The following NCAPG2 variants were observed in gnomAD, a reference collection of about 807,000 sequenced individuals.
The protein encoded by NCAPG2 is non-SMC condensin II complex subunit G2.
Under a neutral mutation model 141.1 loss-of-function variants are expected in NCAPG2, and 53 were observed. The observed-to-expected ratio is 0.38, with a 90% CI of 0.30 to 0.47. NCAPG2 has a LOEUF of 0.47. Ranked by LOEUF, NCAPG2 falls within the 20% of genes least tolerant of loss-of-function variation. The pLI, the probability that NCAPG2 is intolerant of heterozygous loss-of-function variation, is 0.99. For synonymous variants in NCAPG2, 499 were observed against 490.7 expected (o/e 1.02, Z -0.22); for missense variants, 1,087 against 1,389.0 (o/e 0.78, Z 3.46).
chr7:158,656,398 A>G lies in NCAPG2; in HGVS notation c.2250T>C (p.His750=). The G allele has an allele frequency of 6.2e-7, 1 of 1,614,232 alleles. No homozygotes were observed. The highest frequency in any genetic ancestry group is 8.5e-7 in the Non-Finnish European group (1 of 1,180,046). ...ATTCAGGTTTGACTGGGCGTGTGTCATGGATCTGCACCCTACCTTTAGAAG... is the reference window on the plus strand; with the variant it reads ...ATTCAGGTTTGACTGGGCGTGTGTCGTGGATCTGCACCCTACCTTTAGAAG... ...NTASKGRVQI[H]DTRPVKPELA... The change falls in exon 19 of 28, where the codon CAT becomes CAC. Residue 750 remains histidine, a synonymous_variant. Transcript: ENST00000356309.
rs76176106 is a variant in NCAPG2, at chr7:158,660,270, C to G, written c.1990-1862G>C. On this transcript the variant is annotated intron_variant, in intron 16 of 27. Transcript: ENST00000356309. ...CTCAGAATTAACTGAATCCCAAGACCCTCTAAGGGTTTCAAATACCCCAAG... is the reference window on the plus strand; with the variant it reads ...CTCAGAATTAACTGAATCCCAAGACGCTCTAAGGGTTTCAAATACCCCAAG... 5.0e-3 allele frequency among the ~76,000 whole-genome samples: 755 copies of G among 152,114 alleles called. 44 individuals carry two copies. In the East Asian group the frequency reaches 0.12, roughly 24 times the overall value.
At chr7:158,662,549 G>A (rs1036841940) in intron 15 of NCAPG2, among the ~76,000 whole-genome samples, 182 bp from the exon 16 acceptor site, 2 of 152,118 alleles carry the variant, frequency 1.3e-5, no homozygotes, top group African/African-American at 2.4e-5. Flanking sequence ...TGCCCACCAC[G>A]ATATAAATTC....
chr7:158,643,231 TG>T (rs1345481532), intron 27 of NCAPG2, among the ~76,000 whole-genome samples: 4 of 152,028 alleles, frequency 2.6e-5, no homozygotes, highest in Non-Finnish European at 5.9e-5. Context: ...CCCAAAGTGC[TG>T]GGATTACAGG....
rs1045626441 is a variant in NCAPG2 at position 158,633,250 on chromosome 7, G to T, written c.3381-1533C>A. On this transcript the variant is annotated intron_variant, in intron 27 of 27. Coordinates refer to ENST00000356309, the MANE Select transcript of NCAPG2 (RefSeq NM_017760.7). This position sits in a 1 kb window ranked among gnomAD's most constrained non-coding sequence, Gnocchi z 4.1. ...TGACCTCTCCTCGTGAGTATTTATG[G>T]TCTATGTTCTGAGACATCTCTCCAA... 6.6e-6 allele frequency among the ~76,000 whole-genome samples: 1 copy of T among 151,658 alleles called. No homozygotes were observed. Among genetic ancestry groups the T allele is most frequent in the African/African-American group, 2.4e-5 (1 of 41,244 alleles).
intron 22 of NCAPG2, among the ~76,000 whole-genome samples, chr7:158,652,829 G>A (rs1831585728): frequency 6.6e-6 from 1 of 152,144 alleles, no homozygotes; most frequent in African/African-American, 2.4e-5. Context: ...AGTGTTGTTG[G>A]TTCTGTTTTA....
chr7:158,693,327 G>A lies in NCAPG2; in HGVS notation c.249C>T (p.Thr83=), dbSNP rs758896689. The change falls in exon 3 of 28, where the codon ACC becomes ACT. Residue 83 remains threonine (T), a synonymous_variant. Transcript: ENST00000356309. ...VEAQGEDNME[T]EHGSKMRKSI... ...ATACTACCATTTTTGAGCCATGTTC[G>A]GTTTCCATATTGTCTTCACCCTGGG... The A allele has an allele frequency of 8.7e-6, 14 of 1,607,718 alleles. No individual in the cohort carries two copies. Among genetic ancestry groups the A allele is most frequent in the South Asian group, 4.5e-5 (4 of 88,894 alleles).
At chr7:158,673,636 AGCTACCT>A in intron 12 of NCAPG2, among the ~76,000 whole-genome samples, 1 of 152,318 alleles carries the variant, frequency 6.6e-6, no homozygotes, top group Non-Finnish European at 1.5e-5. Context: ...TGAATCTCAG[AGCTACCT>A]GCTGGTCACC....
At position 158,672,294 on chromosome 7, in the gene NCAPG2, A is replaced by G. The variant is rs71546414; in HGVS notation, c.1327-628T>C. ...TCCAAACACATGTGTGTGTGTGTGT[A>G]TATATATATATATATATATATATAT... On this transcript the variant is annotated intron_variant, in intron 12 of 27. Transcript: ENST00000356309. Among the ~76,000 whole-genome samples, 206 of 22,588 alleles carry G rather than the reference A, an allele frequency of 9.1e-3. 1 individual carries two copies. The highest frequency in any genetic ancestry group is 0.013 in the Non-Finnish European group (177 of 13,458). 14.8% of individuals were successfully genotyped at this position (22,588 alleles called of 152,430 possible). A position where few individuals can be genotyped will look rare whatever the true frequency, so the allele number is the denominator to read the frequency against.
intron 10 of NCAPG2, 72 bp downstream of exon 10, chr7:158,680,649 A>C: frequency 1.0e-6 from 1 of 983,248 alleles, no homozygotes; most frequent in Non-Finnish European, 1.4e-6. Context: ...TGTAATTTGG[A>C]CTTAGAGTTT....
chr7:158,697,216 G>A (rs207468888), intron 2 of NCAPG2, among the ~76,000 whole-genome samples: 1 of 152,226 alleles, frequency 6.6e-6, no homozygotes, highest in Non-Finnish European at 1.5e-5. Flanking sequence ...AGATGTTAAG[G>A]TGGAAGACAG....
intron 15 of NCAPG2, among the ~76,000 whole-genome samples, chr7:158,663,015 C>T (rs1832635811): frequency 6.6e-6 from 1 of 152,204 alleles, no homozygotes; most frequent in South Asian, 2.1e-4. Context: ...ACTACAAACA[C>T]ACTCTAACAA....
rs187534868 is a variant in NCAPG2 at position 158,650,085 on chromosome 7, G to A, written c.3075+747C>T. 1.1e-4 allele frequency among the ~76,000 whole-genome samples: 17 copies of A among 152,092 alleles called. No homozygotes were observed. The East Asian group carries it at 2.9e-3, about 26-fold the overall frequency. On this transcript the variant is annotated intron_variant, in intron 24 of 27. Transcript: ENST00000356309. ...TTTTTTTTCTTTGAGACGGAGTCTC[G>A]CCCTGTTGCCCAGGCTGGAGTCCAA...
At chr7:158,689,007 G>A (rs1459940416) in intron 6 of NCAPG2, among the ~76,000 whole-genome samples, 1 of 152,098 alleles carries the variant, frequency 6.6e-6, no homozygotes, top group African/African-American at 2.4e-5. Context: ...GCATCCAAAT[G>A]CAAAAGCTTG....
Position 158,679,865 on chromosome 7 carries a change from G to A in NCAPG2, c.1146+95C>T, listed in dbSNP as rs933377159. The A allele has an allele frequency of 5.2e-5, 75 of 1,454,792 alleles. No individual in the cohort carries two copies. In the African/African-American group the frequency reaches 7.3e-4, roughly 14 times the overall value. The allele number at this position is 1,454,792 out of a possible 1,614,324, so 90.1% of individuals were successfully genotyped here. ...TGCCATGTGGGAGCAGAGCTCTGGC[G>A]GTTACAGGGGAGGTGGGGACACACA... is the stretch of plus-strand genomic sequence containing the variant. On this transcript the variant is annotated intron_variant, in intron 11 of 27. Coordinates refer to ENST00000356309, the MANE Select transcript of NCAPG2 (RefSeq NM_017760.7).
intron 2 of NCAPG2, among the ~76,000 whole-genome samples, chr7:158,698,909 C>T (rs1355670035): frequency 6.6e-6 from 1 of 151,972 alleles, no homozygotes; most frequent in African/African-American, 2.4e-5. Context: ...CCTCAGCCTC[C>T]CAAGTAGTTG....
chr7:158,636,893 C>T (rs1830237510), intron 27 of NCAPG2, among the ~76,000 whole-genome samples: 1 of 152,156 alleles, frequency 6.6e-6, no homozygotes, highest in Admixed American at 6.5e-5. Flanking sequence ...CCAAATCAGA[C>T]CACTGCCCTA....
At chr7:158,653,256 GAGGCTGAGGCAT>G (rs1225524753) in intron 22 of NCAPG2, among the ~76,000 whole-genome samples, 1 of 151,650 alleles carries the variant, frequency 6.6e-6, no homozygotes, top group African/African-American at 2.4e-5. Flanking sequence ...AGCTACTCAG[GAGGCTGAGGCAT>G]GAGAATTGCT....
intron 26 of NCAPG2, 77 bp from the exon 27 acceptor site, chr7:158,644,465 T>C (rs1035669912): frequency 3.6e-5 from 46 of 1,278,044 alleles, no homozygotes; most frequent in Non-Finnish European, 5.0e-5. Flanking sequence ...ACACATGTGG[T>C]ACAACTTCCC....
chr7:158,639,339 C>T (rs1830487696), intron 27 of NCAPG2, among the ~76,000 whole-genome samples: 1 of 152,138 alleles, frequency 6.6e-6, no homozygotes, highest in South Asian at 2.1e-4. Context: ...AACTCCTAGA[C>T]TCAAGCAATT....
Sources: allele counts gnomAD v4.1 joint callset (sites outside exome capture counted in the v4.1 genomes callset), GRCh38; gene constraint gnomAD v4.1.1; non-coding constraint Gnocchi (gnomAD v3.1); transcripts MANE v1.5; gene names NCBI Gene and HGNC (gene_info 2026-07-23, HGNC 2026-07-21).